ABCA13: variants seen among roughly 807,000 people sequenced by gnomAD.
The protein encoded by ABCA13 is ATP-binding cassette sub-family A member 13.
Under a neutral mutation model 478.7 loss-of-function variants are expected in ABCA13, and 476 were observed. That is an observed-to-expected ratio of 0.99 (90% CI 0.92 to 1.07). The LOEUF (loss-of-function observed/expected upper bound fraction) is 1.07, where lower values mean the gene tolerates loss of function less well. Among genes scored for constraint, ABCA13 ranks in the 50% least tolerant of loss-of-function variants. The probability of loss-of-function intolerance (pLI) is 0.00; values close to 1 mark genes in which losing one functional copy is unlikely to be tolerated. For missense variants in ABCA13, 6,060 were observed against 5,910.6 expected (o/e 1.03, Z -0.83); for synonymous variants, 2,252 against 2,158.9 (o/e 1.04, Z -1.20).
chr7:48,505,477 G>A (rs1831121205), intron 48 of ABCA13, among the ~76,000 whole-genome samples: 1 of 152,128 alleles, frequency 6.6e-6, no homozygotes, highest in Admixed American at 6.5e-5. Flanking sequence ...ACAGATGATA[G>A]GGTAAATTAA....
At chr7:48,577,049 C>A (rs1056402601) in intron 55 of ABCA13, among the ~76,000 whole-genome samples, 5 of 151,988 alleles carry the variant, frequency 3.3e-5, no homozygotes, top group Non-Finnish European at 1.5e-5. Context: ...AAATTTAAAC[C>A]TATCACAGTT....
Position 48,198,308 on chromosome 7 carries a change from G to A in ABCA13, c.235G>A (p.Gly79Arg). 6.2e-7 allele frequency: 1 copy of A among 1,613,686 alleles called. No individual in the cohort carries two copies. The highest frequency in any genetic ancestry group is 8.5e-7 in the Non-Finnish European group (1 of 1,179,792). Residue 79 changes from glycine (G) to arginine (R), a missense_variant, in exon 3 of 62, where the codon GGA (glycine) becomes AGA (arginine). Around this residue, in one of 3 missense-constraint regions of ABCA13, gnomAD observed 4,423 missense variants for 4,309.1 expected, o/e 1.03. Transcript: ENST00000435803. ...PFVQSLLCNT[G>R]SRCRNFSYEG... Reference sequence around the variant, plus strand: ...TGTTCAAAGCCTTCTTTGTAACACTGGATCAAGGTGTAGGAACTTCAGCTA... The same window carrying A: ...TGTTCAAAGCCTTCTTTGTAACACTAGATCAAGGTGTAGGAACTTCAGCTA...
chr7:48,388,795 A>AT (rs201889296), intron 36 of ABCA13, among the ~76,000 whole-genome samples: 9 of 151,856 alleles, frequency 5.9e-5, no homozygotes, highest in Admixed American at 2.6e-4. Flanking sequence ...GTGTGTTTTT[A>AT]TTTTTTTTAT....
intron 39 of ABCA13, among the ~76,000 whole-genome samples, chr7:48,406,733 C>T (rs1199099213): frequency 1.3e-5 from 2 of 151,960 alleles, no homozygotes; most frequent in Non-Finnish European, 2.9e-5. Context: ...ATTAGCTGGG[C>T]ATGGTGGCGC....
intron 45 of ABCA13, among the ~76,000 whole-genome samples, chr7:48,478,395 A>C (rs192911973): frequency 1.3e-5 from 2 of 151,522 alleles, no homozygotes; most frequent in African/African-American, 4.8e-5. Flanking sequence ...GGGCACAGGA[A>C]AACTTGCCCT....
At chr7:48,341,847 TATCTTTCTGATATATATATATA>T (rs1308797363) in intron 29 of ABCA13, among the ~76,000 whole-genome samples, 1 of 143,216 alleles carries the variant, frequency 7.0e-6, no homozygotes, top group Non-Finnish European at 1.5e-5. Context: ...TATATATATA[TATCTTTCTGATATATATATATA>T]TATCTTTCTG....
intron 3 of ABCA13, among the ~76,000 whole-genome samples, chr7:48,203,714 T>C (rs1253678774): frequency 1.3e-5 from 2 of 152,244 alleles, no homozygotes; most frequent in Non-Finnish European, 1.5e-5. Flanking sequence ...TAATTTAAAA[T>C]GCTTTGTAAT....
chr7:48,367,497 C>A (rs1811860620), intron 31 of ABCA13, among the ~76,000 whole-genome samples: 1 of 152,170 alleles, frequency 6.6e-6, no homozygotes, highest in South Asian at 2.1e-4. Flanking sequence ...GGATTAATGA[C>A]CTGCTTTGCT....
chr7:48,306,125 A>G (rs540553603), intron 23 of ABCA13, among the ~76,000 whole-genome samples: 16 of 152,300 alleles, frequency 1.1e-4, no homozygotes, highest in African/African-American at 3.1e-4. Context: ...TATTTGGAAA[A>G]CCACAGGAAA....
chr7:48,184,443 T>C (rs1385722475), intron 1 of ABCA13, among the ~76,000 whole-genome samples: 1 of 152,182 alleles, frequency 6.6e-6, no homozygotes, highest in South Asian at 2.1e-4. Flanking sequence ...GTTTCTTTTG[T>C]TGTTTATGAC....
intron 42 of ABCA13, among the ~76,000 whole-genome samples, chr7:48,450,972 C>CTTTTTTTTTTTTTTTTTTTTTTT (rs11423408): frequency 7.2e-6 from 1 of 139,694 alleles, no homozygotes; most frequent in Non-Finnish European, 1.5e-5. Flanking sequence ...TTATTATATT[C>CTTTTTTTTTTTTTTTTTTTTTTT]TTTTTTTTTT....
intron 19 of ABCA13, among the ~76,000 whole-genome samples, chr7:48,286,097 C>T (rs1797694718): frequency 6.6e-6 from 1 of 152,082 alleles, no homozygotes; most frequent in Non-Finnish European, 1.5e-5. Context: ...GCAGGGATTT[C>T]CCATATACTC....
chr7:48,428,854 G>C (rs1309048554), intron 42 of ABCA13, among the ~76,000 whole-genome samples: 2 of 152,108 alleles, frequency 1.3e-5, no homozygotes, highest in Non-Finnish European at 2.9e-5. Context: ...GTGGCTTTTA[G>C]CTTCTTCAGA....
At chr7:48,314,853 A>G (rs1802323287) in intron 26 of ABCA13, among the ~76,000 whole-genome samples, 2 of 152,232 alleles carry the variant, frequency 1.3e-5, no homozygotes, top group Non-Finnish European at 2.9e-5. Flanking sequence ...ACAAACGAAT[A>G]TGTCACGATG....
intron 26 of ABCA13, among the ~76,000 whole-genome samples, chr7:48,316,788 AG>A (rs1337296570): frequency 1.3e-5 from 2 of 152,150 alleles, no homozygotes; most frequent in Admixed American, 6.5e-5. Context: ...AGGAAGCAAG[AG>A]GGGGGAGGAG....
chr7:48,408,726 G>A (rs926590961), intron 39 of ABCA13, among the ~76,000 whole-genome samples: 2 of 152,126 alleles, frequency 1.3e-5, no homozygotes, highest in African/African-American at 4.8e-5. Flanking sequence ...AGGGGTACAT[G>A]TGCAGGTTTG....
intron 52 of ABCA13, among the ~76,000 whole-genome samples, chr7:48,518,442 CCTTTCCACTCA>C (rs1433234216): frequency 6.6e-6 from 1 of 152,144 alleles, no homozygotes; most frequent in Non-Finnish European, 1.5e-5. Context: ...TGACCAGGAA[CCTTTCCACTCA>C]TGAGGTTTTA....
chr7:48,358,244 GGGGAGGGGAGGGGAGGGGAGGGGAC>G (rs1357724684), intron 31 of ABCA13, among the ~76,000 whole-genome samples: 94 of 120,370 alleles, frequency 7.8e-4, no homozygotes, highest in Admixed American at 1.5e-3. Flanking sequence ...GGGGAGGGGA[GGGGAGGGGAGGGGAGGGGAGGGGAC>G]AATGCCTGCC....
intron 34 of ABCA13, among the ~76,000 whole-genome samples, chr7:48,375,293 T>C (rs1467001707): frequency 6.6e-6 from 1 of 152,328 alleles, no homozygotes; most frequent in East Asian, 1.9e-4. Flanking sequence ...TAGATGATTG[T>C]TGACCTGGGA....
Sources: gnomAD v4.1 joint callset for allele counts (sites outside exome capture counted in the v4.1 genomes callset) on GRCh38, gnomAD v4.1.1 for gene constraint, gnomAD v4.1.1 regional missense constraint, MANE v1.5 for transcripts, NCBI Gene and HGNC (gene_info 2026-07-23, HGNC 2026-07-21) for gene names.